The following KCNQ5 variants were observed in gnomAD, a reference collection of about 807,000 sequenced individuals.
KCNQ5 encodes potassium voltage-gated channel subfamily KQT member 5.
A neutral mutation model predicts 98.2 loss-of-function variants in KCNQ5; 30 were observed. The observed-to-expected ratio is 0.31, with a 90% CI of 0.23 to 0.41. The LOEUF (loss-of-function observed/expected upper bound fraction) is 0.41. KCNQ5 is among the 10% of genes least tolerant of loss of function. KCNQ5 has a pLI of 1.00. For synonymous variants in KCNQ5, 458 were observed against 449.4 expected (o/e 1.02, Z -0.24); for missense variants, 835 against 1,182.5 (o/e 0.71, Z 4.31).
Position 73,179,142 on chromosome 6 carries a change from T to A in KCNQ5, c.1577+9288T>A, listed in dbSNP as rs185289527. On this transcript the variant is annotated intron_variant, in intron 11 of 13. Coordinates refer to ENST00000370398, the MANE Select transcript of KCNQ5 (RefSeq NM_019842.4). ...GAATTTTCCAAACTGGAAGAGGGAG[T>A]ATTTCAGTCTGTTTTCTGATGTTTA... 8.5e-5 allele frequency among the ~76,000 whole-genome samples: 13 copies of A among 152,138 alleles called. No homozygotes were observed. The East Asian group carries it at 2.1e-3, about 25-fold the overall frequency.
rs1055510479 is a variant in KCNQ5, at chr6:73,020,521, T to G, written c.489+16523T>G. Among the ~76,000 whole-genome samples the G allele has an allele frequency of 4.9e-4, 75 of 152,130 alleles. 2 individuals are homozygous for G. The highest frequency in any genetic ancestry group is 4.9e-3 in the Admixed American group (75 of 15,274). Reference sequence around the variant, plus strand: ...ACAGAAATTCTTCAAACCTTGTCCTTTTTTATTTTTATGGAGGGTGCTTCA... The same window carrying G: ...ACAGAAATTCTTCAAACCTTGTCCTGTTTTATTTTTATGGAGGGTGCTTCA... On this transcript the variant is annotated intron_variant, in intron 2 of 13. Coordinates refer to ENST00000370398, the MANE Select transcript of KCNQ5 (RefSeq NM_019842.4).
At position 72,769,444 on chromosome 6, in the gene KCNQ5, G is replaced by A. The variant is rs1044959152; in HGVS notation, c.398+146857G>A. On this transcript the variant is annotated intron_variant, in intron 1 of 13. Coordinates refer to ENST00000370398, the MANE Select transcript of KCNQ5 (RefSeq NM_019842.4). ...ATTTTTCAATCCTTAGAATCATCTG[G>A]TGGAGTTTCTAAAATAAAATATCGA... 3.3e-5 allele frequency among the ~76,000 whole-genome samples: 5 copies of A among 151,952 alleles called. No individual in the cohort carries two copies. The South Asian group carries it at 8.3e-4, about 25-fold the overall frequency.
chr6:73,157,762 G>A (rs899920364), intron 10 of KCNQ5: 1 of 778,692 alleles, frequency 1.3e-6, no homozygotes, highest in East Asian at 2.4e-5. Context: ...GTGCTCCTAG[G>A]TGGGGTGCAT....
At chr6:72,971,385 T>A (rs1375027046) in intron 1 of KCNQ5, among the ~76,000 whole-genome samples, 1 of 152,212 alleles carries the variant, frequency 6.6e-6, no homozygotes, top group Non-Finnish European at 1.5e-5. Flanking sequence ...GGAACACTTT[T>A]ACACTGTTGG....
intron 1 of KCNQ5, among the ~76,000 whole-genome samples, chr6:72,780,561 G>A (rs563141692): frequency 6.6e-6 from 1 of 152,276 alleles, no homozygotes; most frequent in Admixed American, 6.5e-5. Flanking sequence ...TATGAGCAAG[G>A]ACAAGGAGGT....
intron 1 of KCNQ5, among the ~76,000 whole-genome samples, chr6:72,711,503 G>A (rs1489711943): frequency 6.6e-6 from 1 of 152,190 alleles, no homozygotes; most frequent in African/African-American, 2.4e-5. Flanking sequence ...TGACACATGA[G>A]AGTGGTGCCT....
intron 1 of KCNQ5, among the ~76,000 whole-genome samples, chr6:72,833,615 A>G (rs1046420757): frequency 6.6e-6 from 1 of 152,286 alleles, no homozygotes; most frequent in South Asian, 2.1e-4. Context: ...GAGTTTTAAC[A>G]TTAATTAACT....
rs558829648 is a variant in KCNQ5 at position 72,654,894 on chromosome 6, T to A, written c.398+32307T>A. ...AACTGTACTTTTGACTAAATTGTAATTAAGTATGCTTGAACATTTTTAAAT... is the reference window on the plus strand; with the variant it reads ...AACTGTACTTTTGACTAAATTGTAAATAAGTATGCTTGAACATTTTTAAAT... On this transcript the variant is annotated intron_variant, in intron 1 of 13. Coordinates refer to ENST00000370398, the MANE Select transcript of KCNQ5 (RefSeq NM_019842.4). 1.6e-4 allele frequency among the ~76,000 whole-genome samples: 25 copies of A among 152,234 alleles called. 1 individual carries two copies. The highest frequency in any genetic ancestry group is 3.4e-3 in the Middle Eastern group (1 of 294).
intron 1 of KCNQ5, among the ~76,000 whole-genome samples, chr6:72,864,680 A>G (rs1301305273): frequency 1.3e-5 from 2 of 152,152 alleles, no homozygotes; most frequent in African/African-American, 4.8e-5. Context: ...TTTCATACAC[A>G]CACACACAGG....
intron 1 of KCNQ5, among the ~76,000 whole-genome samples, chr6:72,949,667 C>T (rs1002172925): frequency 2.6e-5 from 4 of 152,060 alleles, no homozygotes; most frequent in East Asian, 1.9e-4. Flanking sequence ...CATTTTTGCT[C>T]GAAAGTGCCA....
chr6:73,109,552 A>G (rs970947907), intron 6 of KCNQ5, among the ~76,000 whole-genome samples: 1 of 152,252 alleles, frequency 6.6e-6, no homozygotes, highest in Non-Finnish European at 1.5e-5. Context: ...TTCCTAAATG[A>G]TCTTACACAG....
intron 3 of KCNQ5, among the ~76,000 whole-genome samples, chr6:73,061,107 T>G (rs1217471452): frequency 3.9e-5 from 6 of 152,106 alleles, no homozygotes; most frequent in African/African-American, 7.2e-5. Context: ...TACAGAAGAA[T>G]CCCAAGATAT....
intron 5 of KCNQ5, among the ~76,000 whole-genome samples, chr6:73,087,209 T>A (rs1240996895): frequency 1.3e-5 from 2 of 152,222 alleles, no homozygotes; most frequent in East Asian, 3.8e-4. Flanking sequence ...TATAGCAGCC[T>A]GGTCTACCAT....
At chr6:72,918,582 G>C (rs2150214088) in intron 1 of KCNQ5, among the ~76,000 whole-genome samples, 1 of 152,096 alleles carries the variant, frequency 6.6e-6, no homozygotes, top group South Asian at 2.1e-4. Context: ...AGAGGTGACA[G>C]AAAAGTTCCT....
intron 3 of KCNQ5, among the ~76,000 whole-genome samples, chr6:73,066,068 C>T (rs542949812): frequency 6.6e-6 from 1 of 152,304 alleles, no homozygotes; most frequent in East Asian, 1.9e-4. Context: ...ATCGCTTGAA[C>T]CCGAGAGGCG....
intron 1 of KCNQ5, among the ~76,000 whole-genome samples, chr6:72,844,557 A>G (rs545076482): frequency 3.3e-5 from 5 of 152,316 alleles, no homozygotes; most frequent in African/African-American, 1.2e-4. Context: ...ATTTTCTATT[A>G]ATCTAAACTT....
At chr6:73,030,790 C>A (rs1294105990) in intron 2 of KCNQ5, among the ~76,000 whole-genome samples, 1 of 152,186 alleles carries the variant, frequency 6.6e-6, no homozygotes, top group Admixed American at 6.5e-5. Flanking sequence ...TCCAACACTA[C>A]CCTGCCAATA....
chr6:72,962,728 T>C (rs1284504427), intron 1 of KCNQ5, among the ~76,000 whole-genome samples: 1 of 152,082 alleles, frequency 6.6e-6, no homozygotes, highest in Non-Finnish European at 1.5e-5. Flanking sequence ...GAGAGACTAA[T>C]AGGGAACCAA....
intron 1 of KCNQ5, among the ~76,000 whole-genome samples, chr6:72,816,102 T>C (rs1044188631): frequency 6.6e-6 from 1 of 152,124 alleles, no homozygotes; most frequent in African/African-American, 2.4e-5. Context: ...AGGTGAACAC[T>C]TTGGAAAGCT....
Sources: gnomAD v4.1 joint callset for allele counts (sites outside exome capture counted in the v4.1 genomes callset) on GRCh38, gnomAD v4.1.1 for gene constraint, MANE v1.5 for transcripts, NCBI Gene and HGNC (gene_info 2026-07-23, HGNC 2026-07-21) for gene names.